Variants in RNF17 observed in about 807,000 individuals in gnomAD.
RNF17 encodes the protein ring finger protein 17.
A neutral mutation model predicts 200.5 loss-of-function variants in RNF17; 31 were observed. That is an observed-to-expected ratio of 0.15 (90% CI 0.12 to 0.21). The LOEUF is 0.21. Ranked by LOEUF, RNF17 falls within the 10% of genes least tolerant of loss-of-function variation. The pLI is 1.00. For missense variants in RNF17, 1,628 were observed against 1,905.1 expected (o/e 0.85, Z 2.71); for synonymous variants, 606 against 637.8 (o/e 0.95, Z 0.75).
chr13:24,837,840 G>T (rs1408874642), intron 18 of RNF17, among the ~76,000 whole-genome samples: 1 of 151,932 alleles, frequency 6.6e-6, no homozygotes, highest in Non-Finnish European at 1.5e-5. Flanking sequence ...GATGAGAGCA[G>T]AACTAAATGA....
intron 12 of RNF17, 83 bp downstream of exon 12, chr13:24,799,667 A>G: frequency 1.2e-6 from 1 of 805,544 alleles, no homozygotes; most frequent in Non-Finnish European, 2.0e-6. Context: ...AGGAAATTAG[A>G]GGTAGAGAGG....
intron 30 of RNF17, among the ~76,000 whole-genome samples, chr13:24,867,322 A>C (rs2138373158): frequency 6.6e-6 from 1 of 152,286 alleles, no homozygotes; most frequent in East Asian, 1.9e-4. Flanking sequence ...CACCACATCC[A>C]GCTTTCTTTT....
intron 10 of RNF17, among the ~76,000 whole-genome samples, chr13:24,793,797 TA>T (rs34230598): frequency 0.23 from 34,988 of 152,110 alleles, 4,490 homozygotes; most frequent in Non-Finnish European, 0.29. Flanking sequence ...TGTATTTGAT[TA>T]GATTTTCAAT....
At chr13:24,867,065 T>A (rs1261965331) in intron 30 of RNF17, among the ~76,000 whole-genome samples, 3 of 152,206 alleles carry the variant, frequency 2.0e-5, no homozygotes, top group East Asian at 1.9e-4. Context: ...ATATATATAT[T>A]TTGAGAAATC....
intron 10 of RNF17, among the ~76,000 whole-genome samples, chr13:24,793,582 G>T (rs1327029206): frequency 6.6e-6 from 1 of 151,978 alleles, no homozygotes; most frequent in African/African-American, 2.4e-5. Flanking sequence ...TTAATATCTG[G>T]TTTAATTAGG....
In RNF17 at chr13:24,834,650, T is replaced by C. The variant is rs554650985; in HGVS notation, c.2482+2672T>C. Among the ~76,000 whole-genome samples the C allele has an allele frequency of 2.8e-4, 42 of 152,146 alleles. No individual in the cohort carries two copies. The South Asian group carries it at 6.0e-3, about 22-fold the overall frequency. On this transcript the variant is annotated intron_variant, in intron 18 of 35. Coordinates refer to ENST00000255324, the MANE Select transcript of RNF17 (RefSeq NM_031277.3). The stretch of plus-strand genomic sequence containing the variant: ...TCAATTTAGAGATCCCAGCGAAATA[T>C]AGGGGTAGAAGAAGCAGCAGAAAGG...
chr13:24,886,417 G>C, the RNF17 span: 2 of 1,227,632 alleles, frequency 1.6e-6, no homozygotes, highest in Non-Finnish European at 2.1e-6. Context: ...ATTACACCAT[G>C]GGAAATCACT....
intron 18 of RNF17, among the ~76,000 whole-genome samples, chr13:24,839,635 G>T (rs902226503): frequency 6.6e-6 from 1 of 152,116 alleles, no homozygotes; most frequent in African/African-American, 2.4e-5. Context: ...GTGGGGAAAG[G>T]ACACCCTTTT....
chr13:24,837,666 A>G (rs1397124876), intron 18 of RNF17, among the ~76,000 whole-genome samples: 1 of 152,168 alleles, frequency 6.6e-6, no homozygotes, highest in East Asian at 1.9e-4. Context: ...GACACAACCT[A>G]TCAAAACCTC....
intron 27 of RNF17, among the ~76,000 whole-genome samples, chr13:24,862,130 A>T (rs1893161678): frequency 6.6e-6 from 1 of 152,160 alleles, no homozygotes; most frequent in Admixed American, 6.5e-5. Context: ...TCCTCTCTCG[A>T]CACATGGGGA....
At chr13:24,796,797 T>TA (rs775989775) in intron 11 of RNF17, among the ~76,000 whole-genome samples, 133 of 152,328 alleles carry the variant, frequency 8.7e-4, no homozygotes, top group Non-Finnish European at 1.3e-3. Context: ...GGGCTTTTGT[T>TA]ACGAGTATTT....
At position 24,800,568 on chromosome 13, in the gene RNF17, G is replaced by T. The variant is rs768038401; in HGVS notation, c.1758+34G>T. 1.9e-6 allele frequency: 3 copies of T among 1,588,848 alleles called. No homozygotes were observed. The South Asian group carries it at 3.4e-5, about 18-fold the overall frequency. On this transcript the variant is annotated intron_variant, in intron 13 of 35. Coordinates refer to ENST00000255324, the MANE Select transcript of RNF17 (RefSeq NM_031277.3). ...GACTTTAATTATTTTTTCCTTCAGAGGTTATTACAATTTTAGCTATGTATT... is the reference window on the plus strand; with the variant it reads ...GACTTTAATTATTTTTTCCTTCAGATGTTATTACAATTTTAGCTATGTATT...
At chr13:24,850,559 T>G in intron 23 of RNF17, 116 bp downstream of exon 23, 2 of 676,484 alleles carry the variant, frequency 3.0e-6, no homozygotes, top group South Asian at 2.2e-5. Flanking sequence ...GTTACAAATT[T>G]TGTCGGTTTT....
intron 16 of RNF17, chr13:24,826,189 T>A: frequency 1.5e-6 from 1 of 652,488 alleles, no homozygotes; most frequent in Non-Finnish European, 1.9e-6. Context: ...ACTGAACTGC[T>A]AGTTTTCTCG....
chr13:24,822,339 G>C (rs1888165838), intron 15 of RNF17, among the ~76,000 whole-genome samples: 1 of 152,030 alleles, frequency 6.6e-6, no homozygotes, highest in Admixed American at 6.6e-5. Flanking sequence ...AATGATTTGG[G>C]GGCTGCTTTT....
intron 3 of RNF17, among the ~76,000 whole-genome samples, chr13:24,776,179 C>T (rs1881541920): frequency 6.6e-6 from 1 of 152,180 alleles, no homozygotes; most frequent in Non-Finnish European, 1.5e-5. Context: ...CAGATTCTGA[C>T]TTCTATAGTA....
At chr13:24,813,503 A>G (rs1451467625) in intron 15 of RNF17, among the ~76,000 whole-genome samples, 1 of 152,180 alleles carries the variant, frequency 6.6e-6, no homozygotes, top group Non-Finnish European at 1.5e-5. Flanking sequence ...GTTGGATTGT[A>G]GGAGTTTTCA....
chr13:24,848,595 A>C (rs56304064), intron 22 of RNF17, among the ~76,000 whole-genome samples: 9,586 of 152,190 alleles, frequency 0.063, 419 homozygotes, highest in Non-Finnish European at 0.095. Context: ...CCTAGGAGGC[A>C]GAAGTTGCAG....
At position 24,878,457 on chromosome 13, in the gene RNF17, T is replaced by C. The variant is rs60840308; in HGVS notation, c.4774-730T>C. Among the ~76,000 whole-genome samples, 1,423 of 152,296 alleles carry C rather than the reference T, an allele frequency of 9.3e-3. 23 individuals are homozygous for C. Among genetic ancestry groups the C allele is most frequent in the African/African-American group, 0.032 (1,344 of 41,548 alleles). On this transcript the variant is annotated intron_variant, in intron 34 of 35. Transcript: ENST00000255324. ...TCACACAGTCAAAGGTGAAGTCCTATGATAGCTGTCTGCAAGCTGGAGAAC... is the reference window on the plus strand; with the variant it reads ...TCACACAGTCAAAGGTGAAGTCCTACGATAGCTGTCTGCAAGCTGGAGAAC...
Sources: gnomAD v4.1 joint callset for allele counts (sites outside exome capture counted in the v4.1 genomes callset) on GRCh38, gnomAD v4.1.1 for gene constraint, MANE v1.5 for transcripts, NCBI Gene and HGNC (gene_info 2026-07-23, HGNC 2026-07-21) for gene names.